MS4A7: variants seen among roughly 807,000 people sequenced by gnomAD.
MS4A7 encodes membrane-spanning 4-domains subfamily A member 7.
In MS4A7, 21 loss-of-function variants were observed where a neutral mutation model predicts 23.5. The observed-to-expected ratio is 0.89, with a 90% CI of 0.63 to 1.29. The LOEUF is 1.29. Ranked by LOEUF, MS4A7 falls within the 50% of genes most tolerant of loss-of-function variation. The probability of loss-of-function intolerance (pLI) is 0.00; values close to 1 mark genes in which losing one functional copy is unlikely to be tolerated. For missense variants in MS4A7, 263 were observed against 274.2 expected (o/e 0.96, Z 0.29); for synonymous variants, 111 against 107.4 (o/e 1.03, Z -0.21).
chr11:60,393,345 C>T (rs1440089594), intron 6 of MS4A7, among the ~76,000 whole-genome samples: 2 of 152,246 alleles, frequency 1.3e-5, no homozygotes, highest in East Asian at 1.9e-4. Context: ...AATGAGAACG[C>T]GTATCCCCTC....
At chr11:60,384,947 T>C (rs980976293) in intron 2 of MS4A7, 141 bp from the exon 3 acceptor site, 7 of 687,246 alleles carry the variant, frequency 1.0e-5, no homozygotes, top group African/African-American at 9.0e-5. Context: ...AGCATATCGA[T>C]TGGCTCCTTG....
In MS4A7 at chr11:60,385,336, C is replaced by T. The variant is rs982366750; in HGVS notation, c.282+114C>T. On this transcript the variant is annotated intron_variant, in intron 3 of 6. Transcript: ENST00000300184. ...CAGGAGGCAAAAGGCGGCAAGGCCT[C>T]GACTTTCCTTCTATCATTGCCCCAC... 29 of 1,169,152 alleles carry T rather than the reference C, an allele frequency of 2.5e-5. 1 individual carries two copies. Among genetic ancestry groups the T allele is most frequent in the Middle Eastern group, 2.9e-4 (1 of 3,482 alleles). The allele number at this position is 1,169,152 out of a possible 1,614,324, so 72.4% of individuals were successfully genotyped here. A position where few individuals can be genotyped will look rare whatever the true frequency, so the allele number is the denominator to read the frequency against.
At chr11:60,390,756 T>A (rs2085541959) in intron 5 of MS4A7, among the ~76,000 whole-genome samples, 1 of 152,150 alleles carries the variant, frequency 6.6e-6, no homozygotes, top group Non-Finnish European at 1.5e-5. Flanking sequence ...AAGAACTTCC[T>A]ACAATATGAG....
chr11:60,383,098 G>A, intron 1 of MS4A7, 31 bp from the exon 2 acceptor site: 1 of 1,604,780 alleles, frequency 6.2e-7, no homozygotes, highest in Admixed American at 1.7e-5. Flanking sequence ...TCAAACCTTG[G>A]GAAGTAACTG....
chr11:60,384,162 C>T (rs1444833488), intron 2 of MS4A7, among the ~76,000 whole-genome samples: 2 of 152,202 alleles, frequency 1.3e-5, no homozygotes, highest in Non-Finnish European at 2.9e-5. Flanking sequence ...ATTCTTAGTA[C>T]AGCAGGTAGG....
chr11:60,394,909 G>T lies in MS4A7; in HGVS notation c.*1048G>T. ...ATAAAATAAAAAAGAATATTCAGTCGTTGGCACATAAACTATGTTCTCTTC... is the reference window on the plus strand; with the variant it reads ...ATAAAATAAAAAAGAATATTCAGTCTTTGGCACATAAACTATGTTCTCTTC... On this transcript the variant is annotated 3_prime_UTR_variant, in exon 7 of 7. Transcript: ENST00000300184. 1.7e-6 allele frequency: 1 copy of T among 582,736 alleles called. No individual in the cohort carries two copies. The highest frequency in any genetic ancestry group is 3.1e-6 in the Non-Finnish European group (1 of 322,010). The allele number at this position is 582,736 out of a possible 1,614,324, so 36.1% of individuals were successfully genotyped here.
chr11:60,385,921 G>A (rs1005526804), intron 3 of MS4A7, among the ~76,000 whole-genome samples: 2 of 152,230 alleles, frequency 1.3e-5, no homozygotes, highest in African/African-American at 4.8e-5. Context: ...TACCACTTCT[G>A]TGTGGATACA....
intron 4 of MS4A7, 70 bp downstream of exon 4, chr11:60,386,843 T>A: frequency 1.6e-6 from 2 of 1,266,702 alleles, no homozygotes; most frequent in Non-Finnish European, 2.2e-6. Context: ...TCTTCTAGTT[T>A]AAAAATCCCT....
intron 5 of MS4A7, chr11:60,389,861 C>A (rs1322492428): frequency 4.5e-6 from 2 of 446,960 alleles, no homozygotes; most frequent in Non-Finnish European, 4.1e-6. Context: ...AACGTTCCAA[C>A]CTTAATGGGT....
At chr11:60,390,779 A>G (rs2135106748) in intron 5 of MS4A7, among the ~76,000 whole-genome samples, 1 of 152,342 alleles carries the variant, frequency 6.6e-6, no homozygotes, top group East Asian at 1.9e-4. Flanking sequence ...AAGTTGCAAC[A>G]TAGCAGACTA....
chr11:60,392,274 A>C (rs1437531532), intron 5 of MS4A7, among the ~76,000 whole-genome samples: 1 of 152,120 alleles, frequency 6.6e-6, no homozygotes, highest in Non-Finnish European at 1.5e-5. Flanking sequence ...AGTATATGCA[A>C]AAGTAAATAA....
intron 1 of MS4A7, among the ~76,000 whole-genome samples, chr11:60,380,462 C>A (rs867369729): frequency 1.3e-5 from 2 of 152,168 alleles, no homozygotes; most frequent in Admixed American, 6.5e-5. Context: ...TCAAACAGAA[C>A]AAACAGTTAA....
intron 4 of MS4A7, 174 bp from the exon 5 acceptor site, chr11:60,389,216 T>C: frequency 1.7e-6 from 1 of 593,588 alleles, no homozygotes; most frequent in East Asian, 2.8e-5. Flanking sequence ...TATCACATGA[T>C]TAACTAAATA....
At chr11:60,381,583 G>C (rs1470958258) in intron 1 of MS4A7, among the ~76,000 whole-genome samples, 1 of 152,192 alleles carries the variant, frequency 6.6e-6, no homozygotes, top group Non-Finnish European at 1.5e-5. Context: ...TTACAGATAA[G>C]GAAACTGGGG....
chr11:60,393,020 C>T (rs1188013701), intron 6 of MS4A7, among the ~76,000 whole-genome samples: 1 of 152,050 alleles, frequency 6.6e-6, no homozygotes, highest in Non-Finnish European at 1.5e-5. Context: ...AGTTGGGAGG[C>T]TGAGGCAGGA....
intron 6 of MS4A7, 96 bp from the exon 7 acceptor site, chr11:60,393,691 G>A (rs951652678): frequency 1.9e-5 from 15 of 803,074 alleles, no homozygotes; most frequent in Non-Finnish European, 2.4e-5. Flanking sequence ...GGAAGAACTA[G>A]TACTACACAA....
At chr11:60,390,898 G>A (rs1192257031) in intron 5 of MS4A7, among the ~76,000 whole-genome samples, 4 of 152,146 alleles carry the variant, frequency 2.6e-5, no homozygotes, top group Non-Finnish European at 1.5e-5. Context: ...GAAGAAGAAA[G>A]GAAGGGAGGG....
intron 3 of MS4A7, 68 bp downstream of exon 3, chr11:60,385,290 G>C: frequency 6.3e-7 from 1 of 1,584,992 alleles, no homozygotes. Context: ...TAGTCGTGGA[G>C]TGACTCAGAC....
At chr11:60,391,403 G>A (rs1443718352) in intron 5 of MS4A7, among the ~76,000 whole-genome samples, 4 of 152,090 alleles carry the variant, frequency 2.6e-5, no homozygotes, top group East Asian at 1.9e-4. Context: ...CAACTTATAA[G>A]ATGCCTCCCT....
Sources: gnomAD v4.1 joint callset for allele counts (sites outside exome capture counted in the v4.1 genomes callset) on GRCh38, gnomAD v4.1.1 for gene constraint, MANE v1.5 for transcripts, NCBI Gene and HGNC (gene_info 2026-07-23, HGNC 2026-07-21) for gene names.